CDH13: variants seen among roughly 807,000 people sequenced by gnomAD.
CDH13 encodes cadherin-13.
A neutral mutation model predicts 63.8 loss-of-function variants in CDH13; 24 were observed. That is an observed-to-expected ratio of 0.38 (90% confidence interval 0.27 to 0.53). The LOEUF is 0.53. Ranked by LOEUF, CDH13 falls within the 20% of genes least tolerant of loss-of-function variation. CDH13 has a pLI of 0.85. For missense variants in CDH13, 1,049 were observed against 903.1 expected, an observed-to-expected ratio of 1.16 and a Z score of -2.07; for synonymous variants, 503 against 355.3, an observed-to-expected ratio of 1.42 and a Z score of -4.67.
chr16:82,762,362 C>T (rs1438953679), intron 1 of CDH13, among the ~76,000 whole-genome samples: 1 of 152,138 alleles, frequency 6.6e-6, no homozygotes, highest in Non-Finnish European at 1.5e-5. Flanking sequence ...TACTTCTTGG[C>T]ACAAAATATA....
chr16:82,663,741 C>G (rs544480822), intron 1 of CDH13, among the ~76,000 whole-genome samples: 5 of 152,302 alleles, frequency 3.3e-5, no homozygotes, highest in African/African-American at 9.6e-5. Context: ...CATTTGGTTT[C>G]TAGGTCCAGC....
chr16:82,784,955 C>A (rs528556237), intron 1 of CDH13, among the ~76,000 whole-genome samples: 1 of 152,138 alleles, frequency 6.6e-6, no homozygotes, highest in Non-Finnish European at 1.5e-5. Flanking sequence ...AGAGCTGCTC[C>A]GGGCTGAGAT....
chr16:83,280,578 A>G (rs1406156953), intron 5 of CDH13, among the ~76,000 whole-genome samples: 1 of 152,222 alleles, frequency 6.6e-6, no homozygotes, highest in African/African-American at 2.4e-5. Flanking sequence ...CTTATCATGA[A>G]CCAAGAATGT....
At chr16:83,078,286 A>G (rs1255097005) in intron 3 of CDH13, among the ~76,000 whole-genome samples, 1 of 151,992 alleles carries the variant, frequency 6.6e-6, no homozygotes, top group East Asian at 1.9e-4. Flanking sequence ...GCAGTCCCCA[A>G]CCTTTTGGCA....
At chr16:83,010,205 A>C (rs1456670925) in intron 2 of CDH13, among the ~76,000 whole-genome samples, 2 of 150,570 alleles carry the variant, frequency 1.3e-5, no homozygotes, top group Non-Finnish European at 2.9e-5. Context: ...CATTTCTAAC[A>C]AGCTCCTAAG....
chr16:83,268,831 C>T (rs1394118979), intron 5 of CDH13, among the ~76,000 whole-genome samples: 1 of 152,202 alleles, frequency 6.6e-6, no homozygotes, highest in East Asian at 1.9e-4. Flanking sequence ...GAGGACACCA[C>T]AGAGAGGCCA....
At chr16:82,725,371 G>A (rs1051074315) in intron 1 of CDH13, among the ~76,000 whole-genome samples, 1 of 152,158 alleles carries the variant, frequency 6.6e-6, no homozygotes, top group Non-Finnish European at 1.5e-5. Flanking sequence ...TATAGTGAGG[G>A]AGAATAGTGG....
chr16:82,782,756 C>G (rs911374432), intron 1 of CDH13, among the ~76,000 whole-genome samples: 3 of 152,124 alleles, frequency 2.0e-5, no homozygotes, highest in Admixed American at 2.0e-4. Context: ...TGGAATCCGG[C>G]CTTCTGTCTG....
intron 6 of CDH13, among the ~76,000 whole-genome samples, chr16:83,392,135 T>TAGACCCCTA (rs1266122118): frequency 6.6e-6 from 1 of 152,164 alleles, no homozygotes; most frequent in Non-Finnish European, 1.5e-5. Context: ...TGATCTTCTG[T>TAGACCCCTA]TAACCCTGCC....
intron 6 of CDH13, among the ~76,000 whole-genome samples, chr16:83,438,480 T>G (rs913315449): frequency 6.6e-6 from 1 of 152,258 alleles, no homozygotes; most frequent in African/African-American, 2.4e-5. Context: ...CAGTTGTCTC[T>G]TCATAACATT....
At chr16:83,791,471 G>A (rs1308614041) in intron 13 of CDH13, among the ~76,000 whole-genome samples, 3 of 151,838 alleles carry the variant, frequency 2.0e-5, no homozygotes, top group Non-Finnish European at 4.4e-5. Context: ...ACTCCAGCCT[G>A]TAGGACAGAG....
At chr16:83,104,186 C>T (rs972765965) in intron 3 of CDH13, among the ~76,000 whole-genome samples, 6 of 152,098 alleles carry the variant, frequency 3.9e-5, no homozygotes, top group Non-Finnish European at 8.8e-5. Flanking sequence ...ACCACTGGGC[C>T]CAGGGAAACC....
chr16:83,296,280 A>G (rs141917144), intron 5 of CDH13, among the ~76,000 whole-genome samples: 2 of 152,298 alleles, frequency 1.3e-5, no homozygotes, highest in East Asian at 3.9e-4. Flanking sequence ...CTTTCATTTT[A>G]CAGATGAGAA....
chr16:82,972,728 T>A (rs1908942885), intron 2 of CDH13, among the ~76,000 whole-genome samples: 1 of 152,220 alleles, frequency 6.6e-6, no homozygotes, highest in Admixed American at 6.5e-5. Context: ...CCAAGCCATT[T>A]GGGTATGATA....
At chr16:82,957,287 A>G (rs528421626) in intron 2 of CDH13, among the ~76,000 whole-genome samples, 8 of 152,328 alleles carry the variant, frequency 5.3e-5, no homozygotes, top group Non-Finnish European at 7.3e-5. Flanking sequence ...TCTTTGGGGG[A>G]CAAATAGAAG....
intron 6 of CDH13, among the ~76,000 whole-genome samples, chr16:83,428,088 C>T (rs1486538163): frequency 6.6e-6 from 1 of 152,140 alleles, no homozygotes; most frequent in Non-Finnish European, 1.5e-5. Context: ...CATTTATGTT[C>T]ATAAGTTGGG....
intron 5 of CDH13, among the ~76,000 whole-genome samples, chr16:83,320,362 G>T (rs1349693836): frequency 6.6e-6 from 1 of 152,128 alleles, no homozygotes; most frequent in Middle Eastern, 3.4e-3. Context: ...GTCCTTTTCA[G>T]ACCCAGACCA....
intron 7 of CDH13, among the ~76,000 whole-genome samples, chr16:83,512,687 T>C (rs1165689551): frequency 2.7e-5 from 4 of 147,924 alleles, no homozygotes; most frequent in Non-Finnish European, 5.9e-5. Flanking sequence ...AATAATAATA[T>C]AATAATAATA....
chr16:82,886,235 A>C (rs2040882130), intron 2 of CDH13, among the ~76,000 whole-genome samples: 1 of 152,218 alleles, frequency 6.6e-6, no homozygotes, highest in Non-Finnish European at 1.5e-5. Context: ...TGCAGTGAAC[A>C]TCCTTATTCA....
Sources: gnomAD v4.1 joint callset for allele counts (sites outside exome capture counted in the v4.1 genomes callset) on GRCh38, gnomAD v4.1.1 for gene constraint, MANE v1.5 for transcripts, NCBI Gene and HGNC (gene_info 2026-07-23, HGNC 2026-07-21) for gene names.